Variants in CAPN1 observed in about 807,000 individuals in gnomAD.
The protein encoded by CAPN1 is calpain 1, also known as calpain-1 catalytic subunit.
Under a neutral mutation model 105.2 loss-of-function variants are expected in CAPN1, and 77 were observed. That is an observed-to-expected ratio of 0.73 (90% confidence interval 0.61 to 0.88). The LOEUF (loss-of-function observed/expected upper bound fraction) is 0.88, where lower values mean the gene tolerates loss of function less well. Among genes scored for constraint, CAPN1 ranks in the 40% least tolerant of loss-of-function variants. CAPN1 has a pLI of 0.00. For synonymous variants in CAPN1, 355 were observed against 388.8 expected, an observed-to-expected ratio of 0.91 and a Z score of 1.02; for missense variants, 833 against 976.6, an observed-to-expected ratio of 0.85 and a Z score of 1.96.
rs368848859 is a variant in CAPN1 at position 65,210,131 on chromosome 11, C to G, written c.1942+35C>G. ...CAAGGCTGACGGCACCTGTGGGGCCCAGGACAGGTAGCCCCACTGCTCCTA... is the reference window on the plus strand; with the variant it reads ...CAAGGCTGACGGCACCTGTGGGGCCGAGGACAGGTAGCCCCACTGCTCCTA... On this transcript the variant is annotated intron_variant, in intron 19 of 21. Coordinates refer to ENST00000279247, the MANE Select transcript of CAPN1 (RefSeq NM_005186.4). The surrounding 1 kb of genome is among the most constrained non-coding windows in gnomAD (Gnocchi z 4.3). 3.9e-4 allele frequency: 608 copies of G among 1,554,206 alleles called. No homozygotes were observed. The highest frequency in any genetic ancestry group is 4.7e-4 in the Non-Finnish European group (532 of 1,127,134).
chr11:65,196,241 T>C (rs1948791401), intron 10 of CAPN1, among the ~76,000 whole-genome samples: 1 of 151,986 alleles, frequency 6.6e-6, no homozygotes, highest in Non-Finnish European at 1.5e-5. Context: ...ATCTTCATTA[T>C]TTCTTTTCTT....
Position 65,210,760 on chromosome 11 carries a change from C to A in CAPN1, c.2060-54C>A, listed in dbSNP as rs1162206534. ...AGGAAGGGGGCCAGGCCTGGCCCTG[C>A]GTGAATATCCCACTGAGTTTTCAGC... On this transcript the variant is annotated intron_variant, in intron 20 of 21. Transcript: ENST00000279247. This position sits in a 1 kb window ranked among gnomAD's most constrained non-coding sequence, Gnocchi z 4.3. The A allele has an allele frequency of 1.4e-6, 2 of 1,443,164 alleles. No individual in the cohort carries two copies. The highest frequency in any genetic ancestry group is 2.0e-6 in the Non-Finnish European group (2 of 1,024,628). 89.4% of individuals were successfully genotyped at this position (1,443,164 alleles called of 1,614,324 possible). A position where few individuals can be genotyped will look rare whatever the true frequency, so the allele number is the denominator to read the frequency against.
chr11:65,193,795 G>A (rs1217395528), intron 10 of CAPN1, among the ~76,000 whole-genome samples: 1 of 151,626 alleles, frequency 6.6e-6, no homozygotes, highest in Admixed American at 6.6e-5. Flanking sequence ...AGTCCTCTGT[G>A]ATCCTAGGTC....
Position 65,188,556 on chromosome 11 carries a change from T to C in CAPN1, c.1005-30T>C. On this transcript the variant is annotated intron_variant, in intron 9 of 21. Coordinates refer to ENST00000279247, the MANE Select transcript of CAPN1 (RefSeq NM_005186.4). This position sits in a 1 kb window ranked among gnomAD's most constrained non-coding sequence, Gnocchi z 5.5. ...ACATCAGCTCTGTGCCCTGACGGGC[T>C]GTGCCTCACCTGTGTACCTCCCACC... The C allele has an allele frequency of 1.2e-6, 2 of 1,613,828 alleles. No homozygotes were observed. Among genetic ancestry groups the C allele is most frequent in the Non-Finnish European group, 1.7e-6 (2 of 1,179,772 alleles).
chr11:65,200,122 TC>T lies in CAPN1; in HGVS notation c.1166-4560del, dbSNP rs542349035. ...TGGAGTGCAATGGCATAACCTCAGC[TC>T]ACTTCAGCCTCGACCTCCCAGGCTC... On this transcript the variant is annotated intron_variant, in intron 10 of 21. Transcript: ENST00000279247. 2.4e-3 allele frequency among the ~76,000 whole-genome samples: 371 copies of T among 152,276 alleles called. 17 individuals carry two copies. The South Asian group carries it at 0.074, about 30-fold the overall frequency.
In CAPN1 at chr11:65,208,028, AC is replaced by A. The variant is rs768223872; in HGVS notation, c.1606-25del. On this transcript the variant is annotated intron_variant, in intron 14 of 21. Transcript: ENST00000279247. This position sits in a 1 kb window ranked among gnomAD's most constrained non-coding sequence, Gnocchi z 4.1. Reference sequence around the variant, plus strand: ...CACGGGCAGGGCCGGGGCCTCTCTTACCTGCTTTCTCCCCTTCTCGGTCCAG... The same window carrying A: ...CACGGGCAGGGCCGGGGCCTCTCTTACTGCTTTCTCCCCTTCTCGGTCCAG... The A allele has an allele frequency of 6.4e-7, 1 of 1,562,700 alleles. No individual in the cohort carries two copies. Among genetic ancestry groups the A allele is most frequent in the Non-Finnish European group, 8.7e-7 (1 of 1,152,708 alleles).
At chr11:65,181,402 C>A (rs1044653336), upstream of CAPN1, 2 of 252,480 alleles carry the variant, frequency 7.9e-6, no homozygotes, top group Non-Finnish European at 1.6e-5. This position sits in a 1 kb window ranked among gnomAD's most constrained non-coding sequence, Gnocchi z 4.6. Flanking sequence ...GCAGCTGCCG[C>A]AGCCCGAGGT....
chr11:65,209,306 A>G lies in CAPN1; in HGVS notation c.1730-17A>G, dbSNP rs1949008562. On this transcript the variant is annotated splice_polypyrimidine_tract_variant and intron_variant, in intron 16 of 21. Transcript: ENST00000279247. The surrounding 1 kb of genome is among the most constrained non-coding windows in gnomAD (Gnocchi z 4.1). The stretch of plus-strand genomic sequence containing the variant: ...AAGCTCACTAGGTGGAGATGTTGGA[A>G]TTGGTTTTTCTTGCAGACAAAGACC... 1 of 1,611,472 alleles carries G rather than the reference A, an allele frequency of 6.2e-7. No individual in the cohort carries two copies. The highest frequency in any genetic ancestry group is 1.1e-5 in the South Asian group (1 of 90,752).
chr11:65,203,999 T>C (rs914101738), intron 10 of CAPN1, among the ~76,000 whole-genome samples: 4 of 152,196 alleles, frequency 2.6e-5, no homozygotes, highest in Non-Finnish European at 4.4e-5. Context: ...GAAGGTTCTT[T>C]AGGCAGCAAA....
At chr11:65,199,484 T>C (rs903396553) in intron 10 of CAPN1, among the ~76,000 whole-genome samples, 6 of 152,270 alleles carry the variant, frequency 3.9e-5, no homozygotes. Flanking sequence ...TCAACAATTC[T>C]AGAAAATTTG....
At position 65,208,208 on chromosome 11, in the gene CAPN1, A is replaced by G. The variant is rs746239609; in HGVS notation, c.1675A>G (p.Met559Val). ...GCCACCTCCTCTCTCTCCCCAGGAC[A>G]TGGAGATCAGCGTGAAGGAGTTGCG... ...ALFRQLAGED[M>V]EISVKELRTI... Residue 559 changes from methionine (M) to valine (V), a missense_variant, in exon 16 of 22, where the codon ATG (methionine) becomes GTG (valine). Met to Val is a conservative substitution (Grantham distance 21). Transcript: ENST00000279247. This position sits in a 1 kb window ranked among gnomAD's most constrained non-coding sequence, Gnocchi z 4.1. 12 of 1,583,530 alleles carry G rather than the reference A, an allele frequency of 7.6e-6. No homozygotes were observed. In the East Asian group the frequency reaches 1.8e-4, roughly 24 times the overall value.
intron 10 of CAPN1, among the ~76,000 whole-genome samples, chr11:65,200,643 G>A (rs879510435): frequency 1.3e-5 from 2 of 151,926 alleles, no homozygotes; most frequent in Admixed American, 1.3e-4. Flanking sequence ...GTGCCCGGCC[G>A]CCTTGTTCTT....
At chr11:65,194,959 C>G (rs1406548451) in intron 10 of CAPN1, among the ~76,000 whole-genome samples, 3 of 152,142 alleles carry the variant, frequency 2.0e-5, no homozygotes, top group Admixed American at 6.5e-5. Flanking sequence ...TTTTCCAAAG[C>G]AGCAGCACCA....
At chr11:65,183,103 G>A in intron 2 of CAPN1, 25 bp from the exon 3 acceptor site, 4 of 1,613,554 alleles carry the variant, frequency 2.5e-6, no homozygotes, top group Non-Finnish European at 3.4e-6. Context: ...GCTGGCCGAG[G>A]AACAGGACTC....
rs759593212 is a variant in CAPN1 at position 65,183,132 on chromosome 11, T to C, written c.272T>C (p.Leu91Pro). The part of the protein sequence containing the change: ...YGIKWKRPTE[L>P]LSNPQFIVDG... The stretch of plus-strand genomic sequence containing the variant: ...AGGACTCTGGGTCTCTCGTAGGAAC[T>C]GCTGTCAAACCCCCAGTTCATTGTG... Residue 91 changes from leucine (L) to proline (P), a missense_variant, in exon 3 of 22, where the codon CTG (leucine) becomes CCG (proline). Leu to Pro is a moderately conservative substitution (Grantham distance 98). Transcript: ENST00000279247. The C allele has an allele frequency of 6.2e-7, 1 of 1,613,868 alleles. No individual in the cohort carries two copies. Among genetic ancestry groups the C allele is most frequent in the African/African-American group, 1.3e-5 (1 of 75,008 alleles).
At position 65,203,967 on chromosome 11, in the gene CAPN1, C is replaced by T. The variant is rs114279069; in HGVS notation, c.1166-716C>T. Among the ~76,000 whole-genome samples the T allele has an allele frequency of 2.8e-3, 420 of 152,174 alleles. 1 individual carries two copies. The highest frequency in any genetic ancestry group is 9.5e-3 in the African/African-American group (395 of 41,512). ...AGTTTTGCAGTTTACCGTTCTATCC[C>T]GCACTGGGTTGTTTTAGTCAAGAAG... is the stretch of plus-strand genomic sequence containing the variant. On this transcript the variant is annotated intron_variant, in intron 10 of 21. Transcript: ENST00000279247.
Position 65,183,584 on chromosome 11 carries a change from C to A in CAPN1, c.448C>A (p.His150Asn). 1 of 1,611,406 alleles carries A rather than the reference C, an allele frequency of 6.2e-7. No individual in the cohort carries two copies. Among genetic ancestry groups the A allele is most frequent in the Non-Finnish European group, 8.5e-7 (1 of 1,177,540 alleles). Residue 150 changes from histidine to asparagine, a missense_variant, in exon 4 of 22, where the codon CAT (histidine) becomes AAT (asparagine). Transcript: ENST00000279247. ...SFQNGYAGIFHFQLWQFGEWV... is the reference protein window; with the variant it reads ...SFQNGYAGIFNFQLWQFGEWV... ...CCAGAATGGCTATGCCGGCATCTTCCATTTCCAGGTGAGGGCTCCCCTGGG... is the reference window on the plus strand; with the variant it reads ...CCAGAATGGCTATGCCGGCATCTTCAATTTCCAGGTGAGGGCTCCCCTGGG...
chr11:65,198,625 C>A (rs1029243184), intron 10 of CAPN1, among the ~76,000 whole-genome samples: 1 of 152,116 alleles, frequency 6.6e-6, no homozygotes, highest in African/African-American at 2.4e-5. Context: ...ATTTGGATTA[C>A]CCACAAATAA....
intron 3 of CAPN1, 128 bp downstream of exon 3, chr11:65,183,325 C>G: frequency 8.8e-7 from 1 of 1,142,636 alleles, no homozygotes. Context: ...AGCGCTGGGG[C>G]TGGTTTGCCC....
Sources: gnomAD v4.1 joint callset for allele counts (sites outside exome capture counted in the v4.1 genomes callset) on GRCh38, gnomAD v4.1.1 for gene constraint, Gnocchi (gnomAD v3.1) non-coding constraint, MANE v1.5 for transcripts, NCBI Gene and HGNC (gene_info 2026-07-23, HGNC 2026-07-21) for gene names.